The following B3GAT2 variants were observed in gnomAD, a reference collection of about 807,000 sequenced individuals.
The protein encoded by B3GAT2 is beta-1,3-glucuronyltransferase 2, also known as galactosylgalactosylxylosylprotein 3-beta-glucuronosyltransferase 2.
Under a neutral mutation model 27.8 loss-of-function variants are expected in B3GAT2, and 26 were observed. The observed-to-expected ratio is 0.93, with a 90% confidence interval of 0.68 to 1.30. B3GAT2 has a LOEUF of 1.30. B3GAT2 is among the 50% of genes most tolerant of loss of function. The probability of loss-of-function intolerance (pLI) is 0.00; values close to 1 mark genes in which losing one functional copy is unlikely to be tolerated. For missense variants in B3GAT2, 458 were observed against 459.0 expected, an observed-to-expected ratio of 1.00 and a Z score of 0.02; for synonymous variants, 218 against 195.1, an observed-to-expected ratio of 1.12 and a Z score of -0.98.
chr6:70,905,903 G>A (rs77999356), intron 1 of B3GAT2, among the ~76,000 whole-genome samples: 6 of 143,346 alleles, frequency 4.2e-5, no homozygotes, highest in East Asian at 4.1e-4. Context: ...GTGTGTGTGT[G>A]TATGTGTGTG....
Position 70,861,842 on chromosome 6 carries a change from A to G in B3GAT2, c.873T>C (p.Asn291=). ...TTVEELEPKA[N]NCTKVLVWHT... ...GTGTAATGAATACCTTAGTGCAGTT[A>G]TTTGCTTTCGGTTCCAGTTCTTCGA... The change falls in exon 3 of 4, where the codon AAT becomes AAC. Residue 291 remains asparagine (N), a synonymous_variant. Coordinates refer to ENST00000230053, the MANE Select transcript of B3GAT2 (RefSeq NM_080742.3). 1 of 1,614,036 alleles carries G rather than the reference A, an allele frequency of 6.2e-7. No homozygotes were observed.
At chr6:70,919,089 C>T (rs1049272755) in intron 1 of B3GAT2, among the ~76,000 whole-genome samples, 4 of 152,104 alleles carry the variant, frequency 2.6e-5, no homozygotes, top group African/African-American at 4.8e-5. Context: ...AGGCTTTATT[C>T]GTTTCTTTTC....
At chr6:70,873,645 T>A (rs1026359637) in intron 2 of B3GAT2, among the ~76,000 whole-genome samples, 3 of 152,092 alleles carry the variant, frequency 2.0e-5, no homozygotes, top group Admixed American at 6.6e-5. Flanking sequence ...CAAATATTCT[T>A]TTTGTCCCTT....
intron 2 of B3GAT2, among the ~76,000 whole-genome samples, chr6:70,888,814 C>T (rs1336976484): frequency 6.6e-6 from 1 of 152,232 alleles, no homozygotes. Flanking sequence ...TGCCCATGAT[C>T]CCTCCCTACC....
chr6:70,953,544 G>A (rs922263378), intron 1 of B3GAT2, among the ~76,000 whole-genome samples: 2 of 152,144 alleles, frequency 1.3e-5, no homozygotes, highest in African/African-American at 4.8e-5. Flanking sequence ...GGTAGAGAAA[G>A]GTACTAGTCA....
chr6:70,925,693 T>A (rs1772944429), intron 1 of B3GAT2, among the ~76,000 whole-genome samples: 1 of 152,238 alleles, frequency 6.6e-6, no homozygotes, highest in African/African-American at 2.4e-5. Flanking sequence ...CAGGCCTGCC[T>A]GCCTCTGTAG....
intron 1 of B3GAT2, among the ~76,000 whole-genome samples, chr6:70,903,776 T>C (rs556207138): frequency 6.6e-6 from 1 of 151,898 alleles, no homozygotes; most frequent in Non-Finnish European, 1.5e-5. Context: ...TAATTAGGTC[T>C]CATATACATT....
At chr6:70,898,216 GC>G (rs1772427125) in intron 1 of B3GAT2, among the ~76,000 whole-genome samples, 1 of 151,998 alleles carries the variant, frequency 6.6e-6, no homozygotes, top group Non-Finnish European at 1.5e-5. Context: ...GAGTTTTCTA[GC>G]CCATAAACAT....
chr6:70,929,138 C>A (rs941379679), intron 1 of B3GAT2, among the ~76,000 whole-genome samples: 7 of 151,778 alleles, frequency 4.6e-5, no homozygotes, highest in South Asian at 4.2e-4. Context: ...CATGTTCTCA[C>A]TCATAGGTGG....
Position 70,955,936 on chromosome 6 carries a change from G to A in B3GAT2, c.494C>T (p.Ala165Val), listed in dbSNP as rs1765647499. 6 of 1,584,658 alleles carry A rather than the reference G, an allele frequency of 3.8e-6. No individual in the cohort carries two copies. The highest frequency in any genetic ancestry group is 5.1e-6 in the Non-Finnish European group (6 of 1,167,506). ...RATEQRNAGL[A>V]WLRQRHQHQR... Reference sequence around the variant, plus strand: ...GTGCTGGTGCCTCTGGCGCAGCCAGGCGAGGCCCGCGTTGCGCTGCTCAGT... The same window carrying A: ...GTGCTGGTGCCTCTGGCGCAGCCAGACGAGGCCCGCGTTGCGCTGCTCAGT... The change falls in exon 1 of 4, where the codon GCC becomes GTC. Residue 165 changes from alanine to valine, a missense_variant. Transcript: ENST00000230053.
At chr6:70,866,693 C>G (rs1293879807) in intron 2 of B3GAT2, among the ~76,000 whole-genome samples, 1 of 151,976 alleles carries the variant, frequency 6.6e-6, no homozygotes, top group Non-Finnish European at 1.5e-5. Flanking sequence ...GTCACAGGAA[C>G]AGAGTCAAAG....
chr6:70,867,201 A>T (rs959113770), intron 2 of B3GAT2, among the ~76,000 whole-genome samples: 8 of 152,296 alleles, frequency 5.3e-5, no homozygotes, highest in African/African-American at 1.9e-4. Context: ...TTTAGAAAAC[A>T]TTAAGCACTT....
intron 1 of B3GAT2, among the ~76,000 whole-genome samples, chr6:70,902,112 G>C (rs561793685): frequency 5.9e-5 from 9 of 152,274 alleles, no homozygotes; most frequent in African/African-American, 2.2e-4. Context: ...CTGTCTAGGA[G>C]GGGCCTGACT....
intron 1 of B3GAT2, among the ~76,000 whole-genome samples, chr6:70,935,935 C>A (rs1457877706): frequency 5.3e-5 from 8 of 151,520 alleles, no homozygotes; most frequent in Non-Finnish European, 1.2e-4. Flanking sequence ...ACTAAATGCT[C>A]CAATTAAAAG....
At chr6:70,889,375 T>TAA (rs1172848184) in intron 2 of B3GAT2, among the ~76,000 whole-genome samples, 11 of 152,176 alleles carry the variant, frequency 7.2e-5, no homozygotes, top group Admixed American at 5.2e-4. Flanking sequence ...CCGCATTTCT[T>TAA]AAGAGTTGTC....
chr6:70,897,325 C>T (rs540990525), intron 1 of B3GAT2, among the ~76,000 whole-genome samples: 11 of 152,196 alleles, frequency 7.2e-5, no homozygotes, highest in South Asian at 4.1e-4. Flanking sequence ...TCTCCCACTC[C>T]GTGGCTCATC....
chr6:70,938,335 A>G (rs1407403031), intron 1 of B3GAT2, among the ~76,000 whole-genome samples: 68 of 145,278 alleles, frequency 4.7e-4, no homozygotes, highest in African/African-American at 1.6e-3. Flanking sequence ...TGCCCAAGGT[A>G]ATTTATAGAT....
intron 2 of B3GAT2, among the ~76,000 whole-genome samples, chr6:70,863,388 G>A (rs1317511575): frequency 1.3e-5 from 2 of 152,172 alleles, no homozygotes; most frequent in African/African-American, 4.8e-5. Context: ...TTAACACTAA[G>A]CCACTTACAA....
At chr6:70,883,898 T>C (rs537105601) in intron 2 of B3GAT2, among the ~76,000 whole-genome samples, 11 of 152,048 alleles carry the variant, frequency 7.2e-5, no homozygotes, top group Non-Finnish European at 1.5e-4. Flanking sequence ...GTATTTTCTA[T>C]GGAAGTGACT....
Sources: allele counts gnomAD v4.1 joint callset (sites outside exome capture counted in the v4.1 genomes callset), GRCh38; gene constraint gnomAD v4.1.1; transcripts MANE v1.5; gene names NCBI Gene and HGNC (gene_info 2026-07-23, HGNC 2026-07-21).